Variants in NELL1 observed in about 807,000 individuals in gnomAD.
NELL1 encodes protein kinase C-binding protein NELL1.
A neutral mutation model predicts 107.4 loss-of-function variants in NELL1; 76 were observed. The observed-to-expected ratio is 0.71, with a 90% CI of 0.59 to 0.86. The LOEUF is 0.86. Among genes scored for constraint, NELL1 ranks in the 40% least tolerant of loss-of-function variants. NELL1 has a pLI of 0.00. For missense variants in NELL1, 1,024 were observed against 1,005.5 expected, an observed-to-expected ratio of 1.02 and a Z score of -0.25; for synonymous variants, 353 against 341.2, an observed-to-expected ratio of 1.03 and a Z score of -0.38.
At chr11:20,935,411 C>T (rs572265656) in intron 9 of NELL1, among the ~76,000 whole-genome samples, 28 of 152,080 alleles carry the variant, frequency 1.8e-4, no homozygotes, top group South Asian at 1.0e-3. Flanking sequence ...AGAAAGAGAA[C>T]GGTATATGTA....
chr11:21,040,312 T>C (rs961010605), intron 12 of NELL1, among the ~76,000 whole-genome samples: 1 of 152,180 alleles, frequency 6.6e-6, no homozygotes, highest in Non-Finnish European at 1.5e-5. Context: ...TCTTTGAACA[T>C]TTACTTTGCT....
chr11:21,142,280 C>A (rs993493004), intron 13 of NELL1, among the ~76,000 whole-genome samples: 1 of 152,172 alleles, frequency 6.6e-6, no homozygotes, highest in African/African-American at 2.4e-5. Flanking sequence ...CTATCCACAG[C>A]ATTATCCTGG....
rs559310717 is a variant in NELL1, at chr11:20,960,702, T to G, written c.1300+142T>G. ...AGAAATCATATCAATTGCTGAGGGT[T>G]CTCTGTTCTCCTGGTTTATCCATGC... On this transcript the variant is annotated intron_variant, in intron 12 of 19. Coordinates refer to ENST00000357134, the MANE Select transcript of NELL1 (RefSeq NM_006157.5). The G allele has an allele frequency of 6.3e-6, 6 of 956,820 alleles. No homozygotes were observed. The Admixed American group carries it at 9.1e-5, about 15-fold the overall frequency. The allele number at this position is 956,820 out of a possible 1,614,324, so 59.3% of individuals were successfully genotyped here. A position where few individuals can be genotyped will look rare whatever the true frequency, so the allele number is the denominator to read the frequency against.
intron 12 of NELL1, among the ~76,000 whole-genome samples, chr11:21,020,213 C>T (rs11025878): frequency 0.31 from 47,883 of 152,076 alleles, 9,198 homozygotes; most frequent in African/African-American, 0.54. Context: ...TTAACCATTA[C>T]GTAATTGACT....
intron 12 of NELL1, among the ~76,000 whole-genome samples, chr11:20,968,549 T>C (rs7949674): frequency 0.027 from 4,132 of 152,324 alleles, 179 homozygotes; most frequent in African/African-American, 0.093. Context: ...TAACTTTATT[T>C]CATATGAACG....
intron 2 of NELL1, among the ~76,000 whole-genome samples, chr11:20,747,759 G>T (rs765895860): frequency 6.6e-6 from 1 of 152,166 alleles, no homozygotes; most frequent in African/African-American, 2.4e-5. Flanking sequence ...GGGATTATAT[G>T]GGGATACAAG....
chr11:21,029,317 G>A (rs895100390), intron 12 of NELL1, among the ~76,000 whole-genome samples: 9 of 152,054 alleles, frequency 5.9e-5, no homozygotes, highest in African/African-American at 9.7e-5. Context: ...TAATTTAAAC[G>A]TCACATTACA....
chr11:20,840,953 C>G (rs1458983459), intron 3 of NELL1, among the ~76,000 whole-genome samples: 1 of 152,204 alleles, frequency 6.6e-6, no homozygotes, highest in Non-Finnish European at 1.5e-5. Flanking sequence ...TTTCTTTTTA[C>G]TTATAGACTA....
At chr11:21,443,891 A>AT (rs1853354592) in intron 15 of NELL1, among the ~76,000 whole-genome samples, 2 of 151,842 alleles carry the variant, frequency 1.3e-5, no homozygotes, top group African/African-American at 4.8e-5. Flanking sequence ...AAGTAGGTTA[A>AT]TTTTTTTTCT....
At chr11:21,196,285 C>CA (rs1857150075) in intron 13 of NELL1, among the ~76,000 whole-genome samples, 1 of 152,118 alleles carries the variant, frequency 6.6e-6, no homozygotes, top group Non-Finnish European at 1.5e-5. Flanking sequence ...GAAAGTCCAC[C>CA]AGTGGCTTCC....
intron 15 of NELL1, among the ~76,000 whole-genome samples, chr11:21,453,925 T>TA (rs1564901779): frequency 1.6e-5 from 2 of 127,484 alleles, no homozygotes; most frequent in East Asian, 2.1e-4. Context: ...TTCTTTTTTT[T>TA]TTATTATTAT....
intron 12 of NELL1, among the ~76,000 whole-genome samples, chr11:21,054,915 C>A (rs558564730): frequency 6.6e-6 from 1 of 151,972 alleles, no homozygotes; most frequent in African/African-American, 2.4e-5. Flanking sequence ...CCCTTAAAAT[C>A]TTTATCATCT....
intron 13 of NELL1, among the ~76,000 whole-genome samples, chr11:21,140,084 A>G (rs770180664): frequency 8.5e-5 from 13 of 152,152 alleles, no homozygotes; most frequent in African/African-American, 1.2e-4. Context: ...CCCAGCTTGT[A>G]TACTCACTTC....
At chr11:21,141,139 T>C (rs1459210044) in intron 13 of NELL1, among the ~76,000 whole-genome samples, 3 of 152,204 alleles carry the variant, frequency 2.0e-5, no homozygotes, top group Admixed American at 1.3e-4. Context: ...TGCACATCCA[T>C]TGCACACATA....
At chr11:21,370,791 G>A (rs535884185) in intron 14 of NELL1, 62 bp from the exon 15 acceptor site, 90 of 1,324,906 alleles carry the variant, frequency 6.8e-5, no homozygotes, top group East Asian at 4.1e-4. Flanking sequence ...TGCTCCTGCT[G>A]TTTACCGTGA....
At chr11:21,265,134 A>G (rs1848611064) in intron 14 of NELL1, among the ~76,000 whole-genome samples, 1 of 152,024 alleles carries the variant, frequency 6.6e-6, no homozygotes, top group Non-Finnish European at 1.5e-5. Flanking sequence ...TCTTTTCAAG[A>G]AAGGCTAACT....
intron 4 of NELL1, among the ~76,000 whole-genome samples, chr11:20,883,767 T>C (rs1429660352): frequency 6.6e-6 from 1 of 152,244 alleles, no homozygotes; most frequent in Non-Finnish European, 1.5e-5. Context: ...TTCATCACAC[T>C]TAATGACTGT....
intron 12 of NELL1, among the ~76,000 whole-genome samples, chr11:21,017,656 C>T (rs1016099184): frequency 1.3e-5 from 2 of 151,970 alleles, no homozygotes; most frequent in African/African-American, 4.8e-5. Flanking sequence ...ATTTTGTGTC[C>T]GCTACTGGAA....
At chr11:21,489,380 C>CAG (rs1491301138) in intron 15 of NELL1, among the ~76,000 whole-genome samples, 6 of 47,800 alleles carry the variant, frequency 1.3e-4, no homozygotes, top group Non-Finnish European at 1.6e-4. Flanking sequence ...GAAAGTATTT[C>CAG]AAAAAAAAAA....
Sources: gnomAD v4.1 joint callset for allele counts (sites outside exome capture counted in the v4.1 genomes callset) on GRCh38, gnomAD v4.1.1 for gene constraint, MANE v1.5 for transcripts, NCBI Gene and HGNC (gene_info 2026-07-23, HGNC 2026-07-21) for gene names.